MYRF: variants seen among roughly 807,000 people sequenced by gnomAD.
MYRF encodes the protein myelin regulatory factor, also known as myelin gene regulatory factor.
In MYRF, 16 loss-of-function variants were observed where a neutral mutation model predicts 126.3. That is an observed-to-expected ratio of 0.13 (90% CI 0.09 to 0.19). The LOEUF is 0.19. Ranked by LOEUF, MYRF falls within the 10% of genes least tolerant of loss-of-function variation. MYRF has a pLI of 1.00. For missense variants in MYRF, 1,104 were observed against 1,547.0 expected (o/e 0.71, Z 4.80); for synonymous variants, 608 against 635.3 (o/e 0.96, Z 0.65).
chr11:61,773,987 T>C lies in MYRF; in HGVS notation c.1136T>C (p.Val379Ala). The change falls in exon 8 of 27, where the codon GTG (valine) becomes GCG (alanine). Residue 379 changes from valine (V) to alanine (A), a missense_variant. By Grantham distance (64) the Val-to-Ala change is moderately conservative (BLOSUM62 0). Around this residue, in one of 10 missense-constraint regions of MYRF, gnomAD observed 87 missense variants for 129.2 expected, o/e 0.67. Transcript: ENST00000278836. The part of the protein sequence containing the change: ...YKELPMLTYR[V>A]DADKGFNFSV... ...CCCAGGCCCATGCTCACCTACCGCG[T>C]GGATGCGGACAAGGGCTTCAACTTT... 1.3e-6 allele frequency: 2 copies of C among 1,577,496 alleles called. No individual in the cohort carries two copies. Among genetic ancestry groups the C allele is most frequent in the Non-Finnish European group, 1.7e-6 (2 of 1,152,946 alleles).
At chr11:61,770,113 G>C in intron 4 of MYRF, 133 bp from the exon 5 acceptor site, 1 of 863,266 alleles carries the variant, frequency 1.2e-6, no homozygotes, top group Non-Finnish European at 1.7e-6. Flanking sequence ...CTCCCACCTA[G>C]GGTAGGTGGG....
At position 61,777,818 on chromosome 11, in the gene MYRF, G is replaced by C; in HGVS notation, c.1876G>C (p.Gly626Arg). The change falls in exon 13 of 27, where the codon GGC becomes CGC. Residue 626 changes from glycine to arginine, a missense_variant. This residue lies in a region of MYRF where 123 missense variants were observed against 209.1 expected (regional missense o/e 0.59). Transcript: ENST00000278836. The surrounding 1 kb of genome is among the most constrained non-coding windows in gnomAD (Gnocchi z 8.8). ...CAAGCCCGAGTTCGCCGCCAGCGCG[G>C]GCATCGAGGCCACCGCGCCAGAGAC... The part of the protein sequence containing the change: ...RYKPEFAASA[G>R]IEATAPETGV... 1.3e-6 allele frequency: 2 copies of C among 1,552,336 alleles called. No individual in the cohort carries two copies. Among genetic ancestry groups the C allele is most frequent in the South Asian group, 2.4e-5 (2 of 84,116 alleles).
In MYRF at chr11:61,780,105, T is replaced by G. The variant is rs201069487; in HGVS notation, c.2337-117T>G. 3.6e-4 allele frequency: 478 copies of G among 1,330,376 alleles called. 2 individuals are homozygous for G. The highest frequency in any genetic ancestry group is 6.6e-4 in the Admixed American group (34 of 51,170). 82.4% of individuals were successfully genotyped at this position (1,330,376 alleles called of 1,614,324 possible). On this transcript the variant is annotated intron_variant, in intron 17 of 26. Coordinates refer to ENST00000278836, the MANE Select transcript of MYRF (RefSeq NM_001127392.3). ...GCCTCTTCCCCTCTGGGGTGACCCATTTTGTAGGCATCACCTGGGAGCCCA... is the reference window on the plus strand; with the variant it reads ...GCCTCTTCCCCTCTGGGGTGACCCAGTTTGTAGGCATCACCTGGGAGCCCA...
chr11:61,770,067 C>A (rs1198532303), intron 4 of MYRF, among the ~76,000 whole-genome samples, 179 bp from the exon 5 acceptor site: 1 of 151,952 alleles, frequency 6.6e-6, no homozygotes, highest in Non-Finnish European at 1.5e-5. Context: ...TTGTGCCTCC[C>A]TGCCCAGGCC....
Position 61,771,349 on chromosome 11 carries a change from G to A in MYRF, c.741-151G>A, listed in dbSNP as rs564852015. On this transcript the variant is annotated intron_variant, in intron 5 of 26. Transcript: ENST00000278836. ...CACAGAGCAATGGGGAGTAGGAGGA[G>A]GCAAAGCCTGAGGGCTTCCTGAAGG... 1.8e-5 allele frequency: 19 copies of A among 1,054,530 alleles called. No individual in the cohort carries two copies. In the East Asian group the frequency reaches 3.4e-4, roughly 19 times the overall value. 65.3% of individuals were successfully genotyped at this position (1,054,530 alleles called of 1,614,324 possible). A position where few individuals can be genotyped will look rare whatever the true frequency, so the allele number is the denominator to read the frequency against.
At chr11:61,785,656 G>A (rs1374562313) in intron 25 of MYRF, 144 bp from the exon 26 acceptor site, 1 of 676,062 alleles carries the variant, frequency 1.5e-6, no homozygotes, top group East Asian at 2.7e-5. Context: ...AGCAGAACAT[G>A]CTCCTTCCTA....
chr11:61,770,421 G>T lies in MYRF; in HGVS notation c.636G>T (p.Pro212=). Residue 212 remains proline, a synonymous_variant, in exon 5 of 27, where the codon CCG becomes CCT. Transcript: ENST00000278836. The stretch of plus-strand genomic sequence containing the variant: ...ATCTGTACATGAAGGCCGAGCCCCC[G>T]ATCCCCCACTACGCTGCCATGGGGC... ...QRDLYMKAEP[P]IPHYAAMGQG... is the part of the protein sequence containing the mutation. The T allele has an allele frequency of 1.5e-6, 2 of 1,301,232 alleles. No homozygotes were observed. Among genetic ancestry groups the T allele is most frequent in the East Asian group, 5.6e-5 (1 of 17,972 alleles). 80.6% of individuals were successfully genotyped at this position (1,301,232 alleles called of 1,614,324 possible).
At chr11:61,779,793 GC>G (rs764115093) in intron 16 of MYRF, 48 bp from the exon 17 acceptor site, 1 of 1,562,948 alleles carries the variant, frequency 6.4e-7, no homozygotes, top group Non-Finnish European at 8.8e-7. Flanking sequence ...ACTGGGGACA[GC>G]CTCAGCCTGG....
rs1013634920 is a variant in MYRF at position 61,781,609 on chromosome 11, T to G, written c.2801T>G (p.Ile934Ser). ...ATGGCCCTTCTGCCAGTCACCAACA[T>G]CAGAGCCAAGTCCTGGGGTCTTTCA... ...SQMALLPVTN[I>S]RAKSWGLSVN... The change falls in exon 22 of 27, where the codon ATC becomes AGC. Residue 934 changes from isoleucine (I) to serine (S), a missense_variant. Ile to Ser is a moderately radical substitution (Grantham distance 142). Around this residue, in one of 10 missense-constraint regions of MYRF, gnomAD observed 323 missense variants for 383.1 expected, o/e 0.84. Coordinates refer to ENST00000278836, the MANE Select transcript of MYRF (RefSeq NM_001127392.3). The G allele has an allele frequency of 4.3e-6, 7 of 1,613,770 alleles. No individual in the cohort carries two copies. Among genetic ancestry groups the G allele is most frequent in the Non-Finnish European group, 5.9e-6 (7 of 1,180,016 alleles).
intron 7 of MYRF, 75 bp from the exon 8 acceptor site, chr11:61,773,892 C>T: frequency 1.5e-6 from 2 of 1,338,776 alleles, no homozygotes; most frequent in Non-Finnish European, 2.0e-6. Context: ...GTTTTGGAAC[C>T]CAGCAGGTAG....
Position 61,771,637 on chromosome 11 carries a change from C to T in MYRF, c.878C>T (p.Pro293Leu). The change falls in exon 6 of 27, where the codon CCA becomes CTA. Residue 293 changes from proline to leucine, a missense_variant. Coordinates refer to ENST00000278836, the MANE Select transcript of MYRF (RefSeq NM_001127392.3). ...CTGCCTCTGCACCCCACTCGAGCCC[C>T]ATCGCCACCCTGGCCTCCCCAGGGT... ...TALPLHPTRA[P>L]SPPWPPQGPL... The T allele has an allele frequency of 6.2e-7, 1 of 1,614,024 alleles. No individual in the cohort carries two copies. Among genetic ancestry groups the T allele is most frequent in the East Asian group, 2.2e-5 (1 of 44,858 alleles).
intron 7 of MYRF, 127 bp downstream of exon 7, chr11:61,772,079 C>A: frequency 7.3e-7 from 1 of 1,371,042 alleles, no homozygotes; most frequent in Non-Finnish European, 9.8e-7. Flanking sequence ...CAAACAGGCT[C>A]AGGGAAGAGC....
In MYRF at chr11:61,779,838, T is replaced by C; in HGVS notation, c.2248-4T>C. ...GCATTTGCACTTTTCCTCTTGGTCC[T>C]CAGTCATCGTCCGTGGTTCCGGACC... On this transcript the variant is annotated splice_polypyrimidine_tract_variant and splice_region_variant and intron_variant, in intron 16 of 26. Coordinates refer to ENST00000278836, the MANE Select transcript of MYRF (RefSeq NM_001127392.3). 1 of 1,613,414 alleles carries C rather than the reference T, an allele frequency of 6.2e-7. No individual in the cohort carries two copies. The highest frequency in any genetic ancestry group is 8.5e-7 in the Non-Finnish European group (1 of 1,179,456).
chr11:61,782,320 G>T lies in MYRF; in HGVS notation c.3016+496G>T, dbSNP rs193065533. ...TGGGGGCTGCCCTGGGGGTTGAAGG[G>T]GAGGCTGGGAGGCTTCCTGGCTTCA... On this transcript the variant is annotated intron_variant, in intron 22 of 26. Transcript: ENST00000278836. The T allele has an allele frequency of 4.8e-3, 736 of 153,544 alleles. 2 individuals carry two copies. Among genetic ancestry groups the T allele is most frequent in the Non-Finnish European group, 8.1e-3 (559 of 68,922 alleles). 9.5% of individuals were successfully genotyped at this position (153,544 alleles called of 1,614,324 possible). A position where few individuals can be genotyped will look rare whatever the true frequency, so the allele number is the denominator to read the frequency against.
At chr11:61,755,466 G>C (rs1418141390) in intron 1 of MYRF, 1 of 1,607,524 alleles carries the variant, frequency 6.2e-7, no homozygotes, top group Non-Finnish European at 8.5e-7. Flanking sequence ...GGTATAAGGG[G>C]GCTTTGGACT....
At chr11:61,766,332 G>C in intron 3 of MYRF, 111 bp downstream of exon 3, 1 of 1,224,962 alleles carries the variant, frequency 8.2e-7, no homozygotes, top group South Asian at 1.7e-5. Context: ...GGGATGGGCT[G>C]GGTGACTGGC....
intron 1 of MYRF, among the ~76,000 whole-genome samples, chr11:61,765,416 G>T (rs1370627332): frequency 6.6e-6 from 1 of 152,122 alleles, no homozygotes; most frequent in Non-Finnish European, 1.5e-5. Flanking sequence ...TGGCCTTGTG[G>T]TGGGGCGGGG....
intron 14 of MYRF, chr11:61,779,053 TGGA>T: frequency 1.5e-6 from 1 of 647,670 alleles, no homozygotes; most frequent in East Asian, 2.8e-5. Context: ...GGTGCAGAGG[TGGA>T]GGTGTTGCTC....
At chr11:61,780,399 C>A in intron 18 of MYRF, 109 bp downstream of exon 18, 2 of 982,092 alleles carry the variant, frequency 2.0e-6, no homozygotes, top group Non-Finnish European at 3.0e-6. Context: ...TCATCCTTAG[C>A]CTCTTAGCCT....
Sources: allele counts gnomAD v4.1 joint callset (sites outside exome capture counted in the v4.1 genomes callset), GRCh38; gene constraint gnomAD v4.1.1; regional missense constraint gnomAD v4.1.1; non-coding constraint Gnocchi (gnomAD v3.1); transcripts MANE v1.5; gene names NCBI Gene and HGNC (gene_info 2026-07-23, HGNC 2026-07-21).